The following PACRG variants were observed in gnomAD, a reference collection of about 807,000 sequenced individuals.
PACRG encodes parkin coregulated gene protein.
PACRG carries 29 observed loss-of-function variants against 29.7 expected under a neutral mutation model. That is an observed-to-expected ratio of 0.98 (90% CI 0.73 to 1.33). PACRG has a LOEUF of 1.33. Among genes scored for constraint, PACRG ranks in the 40% most tolerant of loss-of-function variants. PACRG has a pLI of 0.00. For missense variants in PACRG, 279 were observed against 316.2 expected, an observed-to-expected ratio of 0.88 and a Z score of 0.89; for synonymous variants, 116 against 118.7, an observed-to-expected ratio of 0.98 and a Z score of 0.15.
intron 4 of PACRG, among the ~76,000 whole-genome samples, chr6:163,239,788 ACACT>A (rs1216380740): frequency 7.3e-6 from 1 of 137,294 alleles, no homozygotes; most frequent in Non-Finnish European, 1.6e-5. Context: ...ACACACACAC[ACACT>A]CACACATTCA....
intron 2 of PACRG, among the ~76,000 whole-genome samples, chr6:162,903,350 A>G (rs767561133): frequency 6.6e-6 from 1 of 152,144 alleles, no homozygotes; most frequent in African/African-American, 2.4e-5. Flanking sequence ...CAAGTTTTTA[A>G]TATTGGGGAA....
intron 2 of PACRG, among the ~76,000 whole-genome samples, chr6:163,039,243 T>C (rs962614509): frequency 5.9e-5 from 9 of 152,168 alleles, no homozygotes; most frequent in African/African-American, 1.9e-4. Flanking sequence ...GCTTCCACCA[T>C]GATTGTAAGT....
Position 162,827,979 on chromosome 6 carries a change from A to G in PACRG, c.291+13698A>G, listed in dbSNP as rs1788427358. 2.0e-5 allele frequency among the ~76,000 whole-genome samples: 3 copies of G among 152,248 alleles called. No homozygotes were observed. The South Asian group carries it at 6.2e-4, about 32-fold the overall frequency. On this transcript the variant is annotated intron_variant, in intron 2 of 4. Coordinates refer to ENST00000366888, the MANE Select transcript of PACRG (RefSeq NM_001080379.2). ...TTCACATCTCCCCTCAAGATGGGGG[A>G]CTGCAGAAGAACTGGAGCAGGGTTA...
intron 2 of PACRG, among the ~76,000 whole-genome samples, chr6:162,954,959 C>T (rs1054005933): frequency 4.6e-5 from 7 of 152,288 alleles, no homozygotes; most frequent in South Asian, 4.1e-4. Flanking sequence ...ATTAATCCAT[C>T]GTGACAAACC....
At position 163,265,623 on chromosome 6, in the gene PACRG, C is replaced by T. The variant is rs537776073; in HGVS notation, c.614-49204C>T. Among the ~76,000 whole-genome samples the T allele has an allele frequency of 2.6e-5, 4 of 152,220 alleles. No individual in the cohort carries two copies. The East Asian group carries it at 7.7e-4, about 29-fold the overall frequency. ...TGTTATTATTATTTGTTATTACTAACCAAACCAATTGTCCCACCTATTAAA... is the reference window on the plus strand; with the variant it reads ...TGTTATTATTATTTGTTATTACTAATCAAACCAATTGTCCCACCTATTAAA... On this transcript the variant is annotated intron_variant, in intron 4 of 4. Transcript: ENST00000366888.
chr6:163,059,342 A>G (rs1810903316), intron 2 of PACRG, among the ~76,000 whole-genome samples: 1 of 152,186 alleles, frequency 6.6e-6, no homozygotes, highest in South Asian at 2.1e-4. Context: ...TATTGTTTGA[A>G]GGCACATTAT....
intron 1 of PACRG, among the ~76,000 whole-genome samples, chr6:162,736,461 G>C (rs1436658196): frequency 6.6e-6 from 1 of 152,068 alleles, no homozygotes; most frequent in African/African-American, 2.4e-5. Context: ...TTTGTAGTTG[G>C]CAGGGAGAAA....
chr6:162,987,085 A>G (rs984624015), intron 2 of PACRG, among the ~76,000 whole-genome samples: 4 of 152,034 alleles, frequency 2.6e-5, no homozygotes, highest in Non-Finnish European at 4.4e-5. Context: ...TGGTGGTGTT[A>G]TAGAGCCTGT....
In PACRG at chr6:163,007,606, C is replaced by G. The variant is rs373574202; in HGVS notation, c.292-54544C>G. 1.1e-4 allele frequency among the ~76,000 whole-genome samples: 16 copies of G among 152,278 alleles called. No homozygotes were observed. In the East Asian group the frequency reaches 2.5e-3, roughly 24 times the overall value. On this transcript the variant is annotated intron_variant, in intron 2 of 4. Transcript: ENST00000366888. Reference sequence around the variant, plus strand: ...ATACTGACTGCAGACTTTCTCCAGGCAGTGAGCTGGGCAGTGACACCCTTC... The same window carrying G: ...ATACTGACTGCAGACTTTCTCCAGGGAGTGAGCTGGGCAGTGACACCCTTC...
At chr6:163,149,436 C>G (rs1585268191) in intron 4 of PACRG, among the ~76,000 whole-genome samples, 1 of 152,240 alleles carries the variant, frequency 6.6e-6, no homozygotes, top group Non-Finnish European at 1.5e-5. Flanking sequence ...CGCCCTCCTT[C>G]CCTGCGAACC....
At chr6:163,084,725 C>A (rs149395220) in intron 3 of PACRG, among the ~76,000 whole-genome samples, 3 of 151,850 alleles carry the variant, frequency 2.0e-5, no homozygotes, top group Non-Finnish European at 4.4e-5. Context: ...TAGTTAATAT[C>A]ATTATCCATT....
intron 4 of PACRG, among the ~76,000 whole-genome samples, chr6:163,146,043 C>T (rs1204281391): frequency 2.0e-5 from 3 of 152,144 alleles, no homozygotes; most frequent in Non-Finnish European, 4.4e-5. Context: ...TACTGCTTTC[C>T]CTTCTTCTAC....
chr6:163,132,152 ATTTAT>A lies in PACRG; in HGVS notation c.613+42752_613+42756del, dbSNP rs1469235792. On this transcript the variant is annotated intron_variant, in intron 4 of 4. Coordinates refer to ENST00000366888, the MANE Select transcript of PACRG (RefSeq NM_001080379.2). ...AAATATCTGTGGATCTGAAAATAAGATTTATTTTATTTAAGATGAAAAAATTTGTT... is the reference window on the plus strand; with the variant it reads ...AAATATCTGTGGATCTGAAAATAAGATTTATTTAAGATGAAAAAATTTGTT... Among the ~76,000 whole-genome samples the A allele has an allele frequency of 3.3e-5, 5 of 152,330 alleles. No individual in the cohort carries two copies. In the East Asian group the frequency reaches 9.6e-4, roughly 29 times the overall value.
intron 4 of PACRG, among the ~76,000 whole-genome samples, chr6:163,131,585 T>C (rs1209559621): frequency 6.6e-6 from 1 of 152,184 alleles, no homozygotes; most frequent in African/African-American, 2.4e-5. Context: ...TTGTTTTTAG[T>C]CACCAGGTTT....
chr6:162,984,853 G>C (rs886379994), intron 2 of PACRG, among the ~76,000 whole-genome samples: 1 of 118,486 alleles, frequency 8.4e-6, no homozygotes, highest in Admixed American at 8.6e-5. Flanking sequence ...TTTTTGATGC[G>C]ATTGGTTTTT....
intron 4 of PACRG, among the ~76,000 whole-genome samples, chr6:163,114,393 G>T (rs1327176672): frequency 6.6e-6 from 1 of 152,074 alleles, no homozygotes; most frequent in Non-Finnish European, 1.5e-5. Context: ...AATCCTTAGG[G>T]TGACCACAAA....
At chr6:163,265,324 C>T (rs1266301174) in intron 4 of PACRG, among the ~76,000 whole-genome samples, 2 of 152,152 alleles carry the variant, frequency 1.3e-5, no homozygotes, top group Non-Finnish European at 2.9e-5. Context: ...ATGAGGAGGG[C>T]CTGCAGGCTG....
At chr6:163,065,649 T>G (rs985194102) in intron 3 of PACRG, among the ~76,000 whole-genome samples, 5 of 152,194 alleles carry the variant, frequency 3.3e-5, no homozygotes, top group African/African-American at 1.2e-4. Context: ...ACATCTGGCA[T>G]ATGAACCAGA....
At chr6:163,306,989 G>C (rs918239643) in intron 4 of PACRG, among the ~76,000 whole-genome samples, 1 of 152,162 alleles carries the variant, frequency 6.6e-6, no homozygotes, top group African/African-American at 2.4e-5. Flanking sequence ...GAATAGTATA[G>C]CTACTAAGTT....
Sources: allele counts gnomAD v4.1 joint callset (sites outside exome capture counted in the v4.1 genomes callset), GRCh38; gene constraint gnomAD v4.1.1; transcripts MANE v1.5; gene names NCBI Gene and HGNC (gene_info 2026-07-23, HGNC 2026-07-21).